LRMDA: variants seen among roughly 807,000 people sequenced by gnomAD.
The protein encoded by LRMDA is leucine-rich melanocyte differentiation-associated protein.
LRMDA carries 18 observed loss-of-function variants against 29.8 expected under a neutral mutation model. The observed-to-expected ratio is 0.60, with a 90% CI of 0.42 to 0.90. LRMDA has a LOEUF of 0.90. Ranked by LOEUF, LRMDA falls within the 40% of genes least tolerant of loss-of-function variation. The probability of loss-of-function intolerance (pLI) is 0.00; values close to 1 mark genes in which losing one functional copy is unlikely to be tolerated. For synonymous variants in LRMDA, 125 were observed against 109.4 expected, an observed-to-expected ratio of 1.14 and a Z score of -0.89; for missense variants, 273 against 273.9, an observed-to-expected ratio of 1.00 and a Z score of 0.02.
At chr10:75,451,295 G>GC (rs1279269617) in intron 2 of LRMDA, 1 of 152,196 alleles carries the variant, frequency 6.6e-6, no homozygotes, top group Non-Finnish European at 1.5e-5. Context: ...ATGAACCGGT[G>GC]CTTTCAAACT....
At chr10:76,542,604 A>C (rs895879783) in intron 6 of LRMDA, among the ~76,000 whole-genome samples, 1 of 152,328 alleles carries the variant, frequency 6.6e-6, no homozygotes. Flanking sequence ...GATAATAAGG[A>C]AAGTTTAATT....
intron 3 of LRMDA, among the ~76,000 whole-genome samples, chr10:76,038,291 A>G (rs1848285197): frequency 6.6e-6 from 1 of 152,242 alleles, no homozygotes. Flanking sequence ...CACCAGAGAT[A>G]AGCAGGCCTC....
At chr10:76,293,026 C>G (rs1840368228) in intron 5 of LRMDA, among the ~76,000 whole-genome samples, 2 of 152,172 alleles carry the variant, frequency 1.3e-5, no homozygotes, top group African/African-American at 4.8e-5. Flanking sequence ...TGTAATGCAG[C>G]AGCACAATCT....
At chr10:76,238,430 G>C (rs1852201458) in intron 5 of LRMDA, among the ~76,000 whole-genome samples, 2 of 152,044 alleles carry the variant, frequency 1.3e-5, no homozygotes, top group Non-Finnish European at 2.9e-5. Flanking sequence ...ACTCATCTTT[G>C]TTCCCCAGAC....
chr10:75,549,021 C>T (rs1040300320), intron 2 of LRMDA, among the ~76,000 whole-genome samples: 2 of 152,126 alleles, frequency 1.3e-5, no homozygotes, highest in Non-Finnish European at 2.9e-5. Context: ...CCAATTCAAC[C>T]AACTACAAAT....
intron 2 of LRMDA, among the ~76,000 whole-genome samples, chr10:75,465,914 C>T (rs1844644928): frequency 6.6e-6 from 1 of 152,130 alleles, no homozygotes; most frequent in Non-Finnish European, 1.5e-5. Flanking sequence ...TTTCTTACAC[C>T]CTGCTCACCC....
intron 2 of LRMDA, among the ~76,000 whole-genome samples, chr10:75,784,806 G>T (rs897864417): frequency 6.6e-6 from 1 of 152,126 alleles, no homozygotes; most frequent in Non-Finnish European, 1.5e-5. Flanking sequence ...CATGATAATG[G>T]TATACTGGAG....
chr10:75,628,952 C>T (rs1246294908), intron 2 of LRMDA, among the ~76,000 whole-genome samples: 1 of 152,214 alleles, frequency 6.6e-6, no homozygotes, highest in Non-Finnish European at 1.5e-5. Context: ...TAGCCATGGA[C>T]CCCAAGATGG....
intron 2 of LRMDA, among the ~76,000 whole-genome samples, chr10:75,464,487 A>T (rs1844627483): frequency 6.6e-6 from 1 of 152,182 alleles, no homozygotes; most frequent in African/African-American, 2.4e-5. Context: ...AAAGGATGAG[A>T]TGGAGGAAGG....
At chr10:76,512,769 A>G (rs1378585035) in intron 6 of LRMDA, among the ~76,000 whole-genome samples, 1 of 152,126 alleles carries the variant, frequency 6.6e-6, no homozygotes, top group Non-Finnish European at 1.5e-5. Context: ...TATGGGCCTT[A>G]ATTTCTATAG....
intron 2 of LRMDA, among the ~76,000 whole-genome samples, chr10:75,738,412 TG>T (rs1056298946): frequency 6.6e-6 from 1 of 152,182 alleles, no homozygotes; most frequent in African/African-American, 2.4e-5. Flanking sequence ...CCTTGTCCCA[TG>T]TAAGTTTGGT....
At chr10:76,375,235 AGTTGTTGGAT>A (rs1841502131) in intron 6 of LRMDA, among the ~76,000 whole-genome samples, 1 of 152,140 alleles carries the variant, frequency 6.6e-6, no homozygotes, top group Non-Finnish European at 1.5e-5. Context: ...ACTATACCCA[AGTTGTTGGAT>A]GTTATGTGTA....
intron 2 of LRMDA, among the ~76,000 whole-genome samples, chr10:75,469,656 G>A (rs568721120): frequency 2.4e-4 from 36 of 152,282 alleles, no homozygotes; most frequent in African/African-American, 8.2e-4. Context: ...AGTGGAAGAG[G>A]ATGGTAGCAT....
At chr10:75,938,416 T>C (rs946129465) in intron 2 of LRMDA, among the ~76,000 whole-genome samples, 2 of 152,208 alleles carry the variant, frequency 1.3e-5, no homozygotes, top group Non-Finnish European at 2.9e-5. Flanking sequence ...ACAGGCTTTT[T>C]GGAAGAAGGG....
intron 2 of LRMDA, among the ~76,000 whole-genome samples, chr10:76,028,545 ATCTT>A (rs1848098083): frequency 6.6e-6 from 1 of 152,150 alleles, no homozygotes; most frequent in Non-Finnish European, 1.5e-5. Flanking sequence ...ATCCTACTGT[ATCTT>A]TCTTAATATC....
chr10:76,224,577 A>AG (rs1354060130), intron 5 of LRMDA, among the ~76,000 whole-genome samples: 2 of 151,958 alleles, frequency 1.3e-5, no homozygotes, highest in African/African-American at 4.8e-5. Flanking sequence ...GTCTCAAAAA[A>AG]GAAAAAAAAA....
intron 6 of LRMDA, among the ~76,000 whole-genome samples, chr10:76,364,240 T>G (rs1564521153): frequency 6.6e-6 from 1 of 151,990 alleles, no homozygotes; most frequent in African/African-American, 2.4e-5. Flanking sequence ...TTGGGAAAAA[T>G]TTCGCTGAGT....
chr10:75,685,624 G>A (rs1014547795), intron 2 of LRMDA, among the ~76,000 whole-genome samples: 4 of 152,202 alleles, frequency 2.6e-5, no homozygotes, highest in Non-Finnish European at 5.9e-5. Flanking sequence ...CATAGCCCCT[G>A]ATTTTGAGGG....
At chr10:76,457,550 G>T (rs1842469889) in intron 6 of LRMDA, among the ~76,000 whole-genome samples, 1 of 152,026 alleles carries the variant, frequency 6.6e-6, no homozygotes, top group Non-Finnish European at 1.5e-5. Flanking sequence ...TGGCTGCCAA[G>T]TATTGTGCTG....
Sources: gnomAD v4.1 joint callset for allele counts (sites outside exome capture counted in the v4.1 genomes callset) on GRCh38, gnomAD v4.1.1 for gene constraint, MANE v1.5 for transcripts, NCBI Gene and HGNC (gene_info 2026-07-23, HGNC 2026-07-21) for gene names.